The following UBE2H variants were observed in gnomAD, a reference collection of about 807,000 sequenced individuals.
The protein encoded by UBE2H is ubiquitin conjugating enzyme E2 H.
UBE2H carries 3 observed loss-of-function variants against 29.0 expected under a neutral mutation model. That is an observed-to-expected ratio of 0.10 (90% CI 0.05 to 0.27). The LOEUF (loss-of-function observed/expected upper bound fraction) is 0.27, where lower values mean the gene tolerates loss of function less well. UBE2H is among the 10% of genes least tolerant of loss of function. The probability of loss-of-function intolerance (pLI) is 1.00; values close to 1 mark genes in which losing one functional copy is unlikely to be tolerated. For synonymous variants in UBE2H, 69 were observed against 82.9 expected, an observed-to-expected ratio of 0.83 and a Z score of 0.91; for missense variants, 68 against 228.2, an observed-to-expected ratio of 0.30 and a Z score of 4.52.
intron 1 of UBE2H, among the ~76,000 whole-genome samples, chr7:129,918,438 A>G (rs2708649): frequency 0.58 from 87,593 of 151,010 alleles, 25,931 homozygotes; most frequent in Middle Eastern, 0.71. Context: ...GACTCACTGC[A>G]ACCTCTGCCT....
rs1473451530 is a variant in UBE2H at position 129,867,724 on chromosome 7, C to CAAAAAA, written c.206-8789_206-8784dup. Among the ~76,000 whole-genome samples, 135 of 31,166 alleles carry CAAAAAA rather than the reference C, an allele frequency of 4.3e-3. 1 individual carries two copies. Among genetic ancestry groups the CAAAAAA allele is most frequent in the Non-Finnish European group, 5.0e-3 (85 of 17,156 alleles). The allele number at this position is 31,166 out of a possible 152,430, so 20.4% of individuals were successfully genotyped here. On this transcript the variant is annotated intron_variant, in intron 3 of 6. Coordinates refer to ENST00000355621, the MANE Select transcript of UBE2H (RefSeq NM_003344.4). ...TAAAAAAAAAAAAAAAAAAGAAAAC[C>CAAAAAA]AAAAAAAAAAAAAAAAAAGAAGACC...
chr7:129,937,882 CTAA>C (rs1319649969), intron 1 of UBE2H, among the ~76,000 whole-genome samples: 2 of 152,080 alleles, frequency 1.3e-5, no homozygotes, highest in African/African-American at 4.8e-5. Flanking sequence ...TTAACAGATG[CTAA>C]TAATGTCATA....
At chr7:129,849,476 G>A (rs1393297960) in intron 5 of UBE2H, among the ~76,000 whole-genome samples, 1 of 152,188 alleles carries the variant, frequency 6.6e-6, no homozygotes, top group Non-Finnish European at 1.5e-5. Context: ...TACTTGGGAG[G>A]CTGAGGCAGG....
intron 1 of UBE2H, among the ~76,000 whole-genome samples, chr7:129,934,333 A>AG (rs1807471014): frequency 6.6e-6 from 1 of 151,522 alleles, no homozygotes; most frequent in South Asian, 2.1e-4. Flanking sequence ...AAAACAAAAA[A>AG]GAACAACAAA....
chr7:129,945,353 C>T (rs1807741197), intron 1 of UBE2H, among the ~76,000 whole-genome samples: 1 of 152,172 alleles, frequency 6.6e-6, no homozygotes. Context: ...TATATTTAAC[C>T]TACCGACTTG....
chr7:129,868,248 A>T (rs1805953406), intron 3 of UBE2H, among the ~76,000 whole-genome samples: 1 of 152,214 alleles, frequency 6.6e-6, no homozygotes, highest in South Asian at 2.1e-4. Flanking sequence ...TAGCAAATGA[A>T]AAGATTATAT....
rs781686702 is a variant in UBE2H, at chr7:129,858,886, TA to T, written c.245+15del. On this transcript the variant is annotated intron_variant, in intron 4 of 6. Transcript: ENST00000355621. ...AGTTGCTGCTAAAATTGAAACATTTTAAAATAGTTACTTACGCTTCATCAAT... is the reference window on the plus strand; with the variant it reads ...AGTTGCTGCTAAAATTGAAACATTTTAAATAGTTACTTACGCTTCATCAAT... 1.2e-6 allele frequency: 2 copies of T among 1,605,598 alleles called. No individual in the cohort carries two copies. The highest frequency in any genetic ancestry group is 4.5e-5 in the East Asian group (2 of 44,730).
chr7:129,915,587 C>A (rs1378032490), intron 1 of UBE2H, among the ~76,000 whole-genome samples: 1 of 152,168 alleles, frequency 6.6e-6, no homozygotes, highest in African/African-American at 2.4e-5. Context: ...GCAGGCAACA[C>A]CCTTAACCTC....
At chr7:129,897,313 CT>C (rs1221161365) in intron 1 of UBE2H, among the ~76,000 whole-genome samples, 2 of 152,164 alleles carry the variant, frequency 1.3e-5, no homozygotes, top group Non-Finnish European at 2.9e-5. Context: ...TGAATTTGCT[CT>C]TATAAAGAGG....
At chr7:129,856,690 C>T (rs1407054302) in intron 5 of UBE2H, among the ~76,000 whole-genome samples, 2 of 152,134 alleles carry the variant, frequency 1.3e-5, no homozygotes, top group Non-Finnish European at 2.9e-5. Context: ...ACTTCAAATA[C>T]ACAACTGACC....
intron 3 of UBE2H, among the ~76,000 whole-genome samples, chr7:129,866,320 T>A (rs1184605748): frequency 6.6e-6 from 1 of 152,260 alleles, no homozygotes; most frequent in Non-Finnish European, 1.5e-5. Context: ...AGGTCATTTA[T>A]AACTAAGAAA....
chr7:129,832,475 C>T lies in UBE2H; in HGVS notation c.*2462G>A, dbSNP rs1370998461. ...GGACACACACACACTCTCGCTCACACTCTCACACATGTGCACACATACACA... is the reference window on the plus strand; with the variant it reads ...GGACACACACACACTCTCGCTCACATTCTCACACATGTGCACACATACACA... On this transcript the variant is annotated 3_prime_UTR_variant, in exon 7 of 7. Transcript: ENST00000355621. 8.4e-6 allele frequency: 1 copy of T among 119,272 alleles called. No homozygotes were observed. Among genetic ancestry groups the T allele is most frequent in the African/African-American group, 3.3e-5 (1 of 30,400 alleles). The allele number at this position is 119,272 out of a possible 1,614,324, so 7.4% of individuals were successfully genotyped here.
intron 1 of UBE2H, chr7:129,948,966 G>A: frequency 2.2e-6 from 1 of 456,804 alleles, no homozygotes; most frequent in Non-Finnish European, 4.4e-6. Context: ...TACTCCATCA[G>A]CTGTTTGGTA....
intron 1 of UBE2H, among the ~76,000 whole-genome samples, chr7:129,882,106 T>C (rs1806268005): frequency 6.6e-6 from 1 of 152,208 alleles, no homozygotes; most frequent in African/African-American, 2.4e-5. Flanking sequence ...AAAACTTACC[T>C]ACCCCTGAGA....
At chr7:129,874,561 G>A (rs551887923) in intron 3 of UBE2H, among the ~76,000 whole-genome samples, 53 of 152,160 alleles carry the variant, frequency 3.5e-4, no homozygotes, top group Admixed American at 3.9e-4. Context: ...CACCCGCCTC[G>A]GCCTCCCAAA....
intron 1 of UBE2H, among the ~76,000 whole-genome samples, chr7:129,916,970 G>A (rs1807056317): frequency 1.3e-5 from 2 of 151,164 alleles, no homozygotes; most frequent in South Asian, 2.1e-4. Flanking sequence ...CTGGGAGGCG[G>A]AGCTTGCAGT....
chr7:129,903,733 T>C (rs932654698), intron 1 of UBE2H, among the ~76,000 whole-genome samples: 5 of 152,126 alleles, frequency 3.3e-5, no homozygotes, highest in Admixed American at 6.5e-5. Flanking sequence ...ACGCCATCTC[T>C]ATTATTTAAA....
chr7:129,932,849 G>C, intron 1 of UBE2H, among the ~76,000 whole-genome samples: 1 of 148,306 alleles, frequency 6.7e-6, no homozygotes, highest in Non-Finnish European at 1.5e-5. Context: ...TGGGCAAAAA[G>C]GGCACATAAT....
At chr7:129,914,950 C>G (rs1198022081) in intron 1 of UBE2H, among the ~76,000 whole-genome samples, 2 of 152,104 alleles carry the variant, frequency 1.3e-5, no homozygotes, top group Admixed American at 6.6e-5. Flanking sequence ...ACACAATGTC[C>G]GGCCCAGGAT....
Sources: gnomAD v4.1 joint callset for allele counts (sites outside exome capture counted in the v4.1 genomes callset) on GRCh38, gnomAD v4.1.1 for gene constraint, MANE v1.5 for transcripts, NCBI Gene and HGNC (gene_info 2026-07-23, HGNC 2026-07-21) for gene names.